CSMD1: variants seen among roughly 807,000 people sequenced by gnomAD.
CSMD1 encodes CUB and Sushi multiple domains 1.
Under a neutral mutation model 417.5 loss-of-function variants are expected in CSMD1, and 213 were observed. The observed-to-expected ratio is 0.51, with a 90% CI of 0.46 to 0.57. The LOEUF (loss-of-function observed/expected upper bound fraction) is 0.57. Among genes scored for constraint, CSMD1 ranks in the 20% least tolerant of loss-of-function variants. CSMD1 has a pLI of 0.00. For missense variants in CSMD1, 6,923 were observed against 4,529.7 expected (o/e 1.53, Z -15.17); for synonymous variants, 2,862 against 1,736.8 (o/e 1.65, Z -16.11).
At chr8:3,186,249 G>A (rs575239588) in intron 36 of CSMD1, among the ~76,000 whole-genome samples, 3 of 152,150 alleles carry the variant, frequency 2.0e-5, no homozygotes, top group Non-Finnish European at 4.4e-5. Context: ...TATCTAGCAG[G>A]TACTTTAAGA....
chr8:3,632,187 G>C (rs1196581312), intron 7 of CSMD1, among the ~76,000 whole-genome samples: 2 of 152,158 alleles, frequency 1.3e-5, no homozygotes, highest in African/African-American at 4.8e-5. Flanking sequence ...CTATAGCAAA[G>C]GCAGAACTAC....
At chr8:4,017,410 A>C (rs1322860195) in intron 4 of CSMD1, among the ~76,000 whole-genome samples, 1 of 152,054 alleles carries the variant, frequency 6.6e-6, no homozygotes, top group African/African-American at 2.4e-5. Context: ...GGTTCAATCG[A>C]TTCTCCTGCC....
intron 1 of CSMD1, among the ~76,000 whole-genome samples, chr8:4,776,795 A>G (rs554917383): frequency 8.8e-4 from 133 of 151,948 alleles, no homozygotes; most frequent in Non-Finnish European, 1.5e-3. Context: ...ATATTATATT[A>G]GAGCCAGACG....
intron 7 of CSMD1, among the ~76,000 whole-genome samples, chr8:3,654,308 A>C (rs73181167): frequency 2.0e-5 from 3 of 152,334 alleles, no homozygotes; most frequent in Non-Finnish European, 4.4e-5. Flanking sequence ...AAGATTTATA[A>C]AATTATGTAA....
intron 3 of CSMD1, among the ~76,000 whole-genome samples, chr8:4,055,758 A>G (rs1398822129): frequency 2.0e-5 from 3 of 152,188 alleles, no homozygotes; most frequent in Non-Finnish European, 4.4e-5. Flanking sequence ...TGACTTGACT[A>G]GATACTGTAT....
intron 1 of CSMD1, among the ~76,000 whole-genome samples, chr8:4,901,110 C>T (rs747661248): frequency 1.3e-5 from 2 of 152,184 alleles, no homozygotes; most frequent in East Asian, 3.8e-4. Flanking sequence ...AGTATACCCT[C>T]GTCAGTATTA....
chr8:3,417,503 A>G (rs758698312), intron 12 of CSMD1, among the ~76,000 whole-genome samples: 1 of 152,222 alleles, frequency 6.6e-6, no homozygotes, highest in Non-Finnish European at 1.5e-5. Context: ...TTTGACTACC[A>G]TCTGTATTCT....
chr8:3,708,594 C>T (rs531350901), intron 6 of CSMD1, 103 bp from the exon 7 acceptor site: 3 of 876,040 alleles, frequency 3.4e-6, no homozygotes, highest in Non-Finnish European at 5.7e-6. Context: ...TCTATCAACC[C>T]CCGAAAATGG....
In CSMD1 at chr8:4,114,827, G is replaced by T. The variant is rs1480204437; in HGVS notation, c.416-82728C>A. On this transcript the variant is annotated intron_variant, in intron 3 of 69. Transcript: ENST00000635120. ...AAATAGCGAGAGGTAAAATTAGAAGGGGAGGCTGAAGACGTGACTGAATTG... is the reference window on the plus strand; with the variant it reads ...AAATAGCGAGAGGTAAAATTAGAAGTGGAGGCTGAAGACGTGACTGAATTG... Among the ~76,000 whole-genome samples, 7 of 152,240 alleles carry T rather than the reference G, an allele frequency of 4.6e-5. No homozygotes were observed. The East Asian group carries it at 1.2e-3, about 25-fold the overall frequency.
chr8:3,929,303 A>C lies in CSMD1; in HGVS notation c.818+68600T>G, dbSNP rs575680396. ...CCCTCAATGAGAAACTCAATGCTGA[A>C]ATTAAAAACTCATCTTCCAGGTACA... is the stretch of plus-strand genomic sequence containing the variant. On this transcript the variant is annotated intron_variant, in intron 5 of 69. Transcript: ENST00000635120. Among the ~76,000 whole-genome samples, 70 of 150,630 alleles carry C rather than the reference A, an allele frequency of 4.6e-4. 4 individuals carry two copies. Among genetic ancestry groups the C allele is most frequent in the Non-Finnish European group, 4.7e-4 (32 of 67,556 alleles).
chr8:4,476,057 A>G (rs1383665546), intron 2 of CSMD1, among the ~76,000 whole-genome samples: 1 of 152,014 alleles, frequency 6.6e-6, no homozygotes, highest in Non-Finnish European at 1.5e-5. Context: ...TCTGGTTAAG[A>G]CAGTGTGATT....
chr8:4,800,262 G>T (rs7823652), intron 1 of CSMD1, among the ~76,000 whole-genome samples: 148,141 of 151,964 alleles, frequency 0.97, 72,333 homozygotes, highest in East Asian at 1. Context: ...AAACCCAATC[G>T]CAACTAAAAA....
At position 4,637,419 on chromosome 8, in the gene CSMD1, A is replaced by C. The variant is rs771395459; in HGVS notation, c.225T>G (p.His75Gln). 7 of 1,613,806 alleles carry C rather than the reference A, an allele frequency of 4.3e-6. No individual in the cohort carries two copies. The African/African-American group carries it at 9.3e-5, about 22-fold the overall frequency. The part of the protein sequence containing the change: ...GERNRIQLSF[H>Q]TFALEEDFDI... The stretch of plus-strand genomic sequence containing the variant: ...CAAAATCTTCTTCAAGAGCAAAGGT[A>C]TGGAAGGACAACTGTATCCTATTGC... Residue 75 changes from histidine to glutamine, a missense_variant, in exon 2 of 70, where the codon CAT becomes CAG. His to Gln is a conservative substitution (Grantham distance 24). Coordinates refer to ENST00000635120, the MANE Select transcript of CSMD1 (RefSeq NM_033225.6).
rs1277921131 is a variant in CSMD1, at chr8:3,091,414, G to A, written c.7285+102C>T. The stretch of plus-strand genomic sequence containing the variant: ...ACTGTAGTTAATTATTAATCTTTAA[G>A]AATTAGGATTATACTATAAATTTCT... On this transcript the variant is annotated intron_variant, in intron 48 of 69. Transcript: ENST00000635120. 15 of 803,348 alleles carry A rather than the reference G, an allele frequency of 1.9e-5. No homozygotes were observed. The Admixed American group carries it at 5.2e-4, about 28-fold the overall frequency. 49.8% of individuals were successfully genotyped at this position (803,348 alleles called of 1,614,324 possible).
At chr8:4,751,115 T>C (rs1202201814) in intron 1 of CSMD1, among the ~76,000 whole-genome samples, 1 of 152,236 alleles carries the variant, frequency 6.6e-6, no homozygotes, top group Non-Finnish European at 1.5e-5. Flanking sequence ...CTGGGAGCAG[T>C]GGCTCAGGCC....
chr8:4,662,287 G>C (rs972084041), intron 1 of CSMD1, among the ~76,000 whole-genome samples: 1 of 151,612 alleles, frequency 6.6e-6, no homozygotes, highest in South Asian at 2.1e-4. Context: ...CAAATAAGAG[G>C]TTTCTAAAAG....
chr8:4,412,006 G>GTC (rs1382377777), intron 3 of CSMD1, among the ~76,000 whole-genome samples: 3 of 151,856 alleles, frequency 2.0e-5, no homozygotes, highest in Non-Finnish European at 4.4e-5. Flanking sequence ...GTGTGTGTGT[G>GTC]TGTGTGTGTG....
chr8:4,505,661 T>G (rs1372838255), intron 2 of CSMD1, among the ~76,000 whole-genome samples: 1 of 152,164 alleles, frequency 6.6e-6, no homozygotes, highest in Non-Finnish European at 1.5e-5. Flanking sequence ...CCAGTGTCCA[T>G]GTTGCTCCAG....
intron 2 of CSMD1, among the ~76,000 whole-genome samples, chr8:4,467,261 C>T (rs1235422341): frequency 6.6e-6 from 1 of 152,144 alleles, no homozygotes; most frequent in African/African-American, 2.4e-5. Context: ...GAATCTACTT[C>T]AATTCGTGTT....
Sources: gnomAD v4.1 joint callset for allele counts (sites outside exome capture counted in the v4.1 genomes callset) on GRCh38, gnomAD v4.1.1 for gene constraint, MANE v1.5 for transcripts, NCBI Gene and HGNC (gene_info 2026-07-23, HGNC 2026-07-21) for gene names.